SLX9: variants seen among roughly 807,000 people sequenced by gnomAD.
SLX9 encodes SLX9 ribosome biogenesis factor.
SLX9 carries 19 observed loss-of-function variants against 20.8 expected under a neutral mutation model. That is an observed-to-expected ratio of 0.91 (90% CI 0.64 to 1.34). The LOEUF (loss-of-function observed/expected upper bound fraction) is 1.34. Ranked by LOEUF, SLX9 falls within the 40% of genes most tolerant of loss-of-function variation. The probability of loss-of-function intolerance (pLI) is 0.00; values close to 1 mark genes in which losing one functional copy is unlikely to be tolerated. For synonymous variants in SLX9, 113 were observed against 137.1 expected (o/e 0.82, Z 1.23); for missense variants, 299 against 322.2 (o/e 0.93, Z 0.55).
At chr21:44,945,054 C>T (rs1411419207) in intron 2 of SLX9, among the ~76,000 whole-genome samples, 1 of 152,152 alleles carries the variant, frequency 6.6e-6, no homozygotes, top group South Asian at 2.1e-4. Context: ...TTGCAGCTGC[C>T]CAGAGGTGGG....
intron 2 of SLX9, among the ~76,000 whole-genome samples, chr21:44,950,854 G>C (rs1023088222): frequency 3.3e-5 from 5 of 152,168 alleles, no homozygotes; most frequent in African/African-American, 1.2e-4. Context: ...CTGCGAAAGG[G>C]GGGTGTCGGG....
At chr21:44,946,422 G>T (rs1259473913) in intron 2 of SLX9, among the ~76,000 whole-genome samples, 1 of 150,260 alleles carries the variant, frequency 6.7e-6, no homozygotes, top group East Asian at 1.9e-4. Context: ...CGCCTTGAGG[G>T]GCACGAGGAT....
chr21:44,973,070 T>C (rs2085186019), intron 4 of SLX9, 127 bp from the exon 5 acceptor site: 8 of 613,220 alleles, frequency 1.3e-5, no homozygotes, highest in Non-Finnish European at 1.9e-5. Flanking sequence ...CTTGTGGTTC[T>C]GCAGTGGTTT....
At chr21:44,954,119 G>A (rs73906974) in intron 2 of SLX9, among the ~76,000 whole-genome samples, 3 of 152,116 alleles carry the variant, frequency 2.0e-5, no homozygotes, top group Non-Finnish European at 4.4e-5. Context: ...GGGTCCTTGT[G>A]GGGTGAGCTA....
At chr21:44,965,729 T>C (rs1027442489) in intron 3 of SLX9, among the ~76,000 whole-genome samples, 3 of 152,176 alleles carry the variant, frequency 2.0e-5, no homozygotes, top group African/African-American at 7.2e-5. Context: ...GAAAGGCTTC[T>C]GGCTTTGGCT....
At chr21:44,941,875 G>T (rs1194884911) in intron 1 of SLX9, among the ~76,000 whole-genome samples, 2 of 152,180 alleles carry the variant, frequency 1.3e-5, no homozygotes, top group Non-Finnish European at 2.9e-5. Flanking sequence ...AGGCGTGAGA[G>T]CCCTCACACG....
chr21:44,951,859 A>G (rs1383237437), intron 2 of SLX9, among the ~76,000 whole-genome samples: 1 of 152,056 alleles, frequency 6.6e-6, no homozygotes, highest in African/African-American at 2.4e-5. Context: ...TTGTCCGAGC[A>G]GGGTTCGCCC....
intron 2 of SLX9, among the ~76,000 whole-genome samples, chr21:44,946,882 C>T (rs1340419491): frequency 6.6e-6 from 1 of 152,244 alleles, no homozygotes; most frequent in Admixed American, 6.5e-5. Flanking sequence ...TTCCCCTGCC[C>T]TGGGATGTGA....
intron 4 of SLX9, among the ~76,000 whole-genome samples, chr21:44,969,432 G>A (rs911297720): frequency 3.9e-5 from 6 of 152,228 alleles, no homozygotes; most frequent in African/African-American, 1.4e-4. Context: ...CCAGGCCGAG[G>A]AGGATGTGCC....
intron 3 of SLX9, among the ~76,000 whole-genome samples, chr21:44,963,092 CTTT>C (rs770861444): frequency 2.8e-5 from 4 of 140,418 alleles, no homozygotes; most frequent in African/African-American, 2.6e-5. Flanking sequence ...CATTTTCTTT[CTTT>C]TTTTTTTTTT....
chr21:44,965,258 C>T (rs986072778), intron 3 of SLX9, among the ~76,000 whole-genome samples: 1 of 152,188 alleles, frequency 6.6e-6, no homozygotes, highest in African/African-American at 2.4e-5. Flanking sequence ...GTTCTCCTGG[C>T]TGCTTGGAAG....
chr21:44,966,207 G>C (rs929562505), intron 3 of SLX9, among the ~76,000 whole-genome samples: 1 of 152,192 alleles, frequency 6.6e-6, no homozygotes, highest in African/African-American at 2.4e-5. Flanking sequence ...GCTGAGAGGG[G>C]CGCCGCTGTC....
intron 2 of SLX9, among the ~76,000 whole-genome samples, chr21:44,955,574 G>A (rs1014588610): frequency 3.3e-5 from 5 of 152,124 alleles, no homozygotes; most frequent in African/African-American, 1.2e-4. Context: ...GGAGTGCAGT[G>A]GTACAATCTG....
chr21:44,967,310 C>T (rs964279991), intron 4 of SLX9, 129 bp downstream of exon 4: 5 of 1,308,638 alleles, frequency 3.8e-6, no homozygotes, highest in Admixed American at 5.7e-5. Flanking sequence ...GCTGGGGCTC[C>T]AGCCGGTGCT....
At chr21:44,951,711 G>A (rs2084760789) in intron 2 of SLX9, among the ~76,000 whole-genome samples, 2 of 152,146 alleles carry the variant, frequency 1.3e-5, no homozygotes, top group Non-Finnish European at 2.9e-5. Context: ...CTCACTGCCC[G>A]AGGGCACTGT....
chr21:44,952,176 TGTTCACTCAG>T (rs1204665463), intron 2 of SLX9, among the ~76,000 whole-genome samples: 1 of 131,800 alleles, frequency 7.6e-6, no homozygotes, highest in Non-Finnish European at 1.5e-5. Context: ...GCCTGGCTCC[TGTTCACTCAG>T]GTTCACTCAG....
chr21:44,956,004 T>A (rs2052948478), intron 2 of SLX9, among the ~76,000 whole-genome samples: 1 of 152,262 alleles, frequency 6.6e-6, no homozygotes, highest in African/African-American at 2.4e-5. Flanking sequence ...TGTCTGCTGA[T>A]GCGGACGCCA....
chr21:44,939,749 C>CCGA, upstream of SLX9: 1 of 540,022 alleles, frequency 1.9e-6, no homozygotes, highest in Non-Finnish European at 3.6e-6. Context: ...CCGCGGGGGT[C>CCGA]GCGTCCTCTC....
intron 5 of SLX9, among the ~76,000 whole-genome samples, chr21:44,975,908 A>G (rs555646079): frequency 1.2e-3 from 176 of 152,370 alleles, no homozygotes; most frequent in Middle Eastern, 6.8e-3. Context: ...AGCCTTGTCA[A>G]CTGCCCAGGA....
Sources: gnomAD v4.1 joint callset for allele counts (sites outside exome capture counted in the v4.1 genomes callset) on GRCh38, gnomAD v4.1.1 for gene constraint, MANE v1.5 for transcripts, NCBI Gene and HGNC (gene_info 2026-07-23, HGNC 2026-07-21) for gene names.